The following TRPM3 variants were observed in gnomAD, a reference collection of about 807,000 sequenced individuals.
TRPM3 encodes the protein long transient receptor potential channel 3.
TRPM3 carries 77 observed loss-of-function variants against 181.2 expected under a neutral mutation model. The observed-to-expected ratio is 0.42, with a 90% confidence interval of 0.35 to 0.51. The LOEUF is 0.51. Ranked by LOEUF, TRPM3 falls within the 20% of genes least tolerant of loss-of-function variation. The pLI is 0.01. For missense variants in TRPM3, 1,759 were observed against 2,196.7 expected (o/e 0.80, Z 3.98); for synonymous variants, 745 against 796.4 (o/e 0.94, Z 1.09).
intron 1 of TRPM3, among the ~76,000 whole-genome samples, chr9:71,144,642 T>C (rs1304926359): frequency 6.6e-6 from 1 of 152,164 alleles, no homozygotes; most frequent in African/African-American, 2.4e-5. Flanking sequence ...CATTACTCTG[T>C]GTTATATATA....
chr9:70,562,431 G>GA (rs2049342076), intron 22 of TRPM3, among the ~76,000 whole-genome samples: 1 of 151,960 alleles, frequency 6.6e-6, no homozygotes, highest in Non-Finnish European at 1.5e-5. Context: ...CCTACCTGGG[G>GA]AAAAAAAGGG....
At chr9:70,578,329 C>G (rs1369516056) in intron 22 of TRPM3, among the ~76,000 whole-genome samples, 1 of 148,756 alleles carries the variant, frequency 6.7e-6, no homozygotes, top group African/African-American at 2.5e-5. Context: ...AGACTGGTGT[C>G]TCTCTTAGAT....
chr9:70,811,804 C>G (rs2092089340), intron 6 of TRPM3, among the ~76,000 whole-genome samples: 1 of 152,042 alleles, frequency 6.6e-6, no homozygotes, highest in South Asian at 2.1e-4. Context: ...AGTTTCTTTT[C>G]TTTTCTTTTT....
chr9:70,917,399 G>A (rs537982539), intron 1 of TRPM3: 2 of 872,868 alleles, frequency 2.3e-6, no homozygotes, highest in Admixed American at 1.7e-5. Context: ...AGAGCTCAGT[G>A]GGGACACCAC....
intron 1 of TRPM3, among the ~76,000 whole-genome samples, chr9:71,193,507 A>C (rs975664308): frequency 6.6e-6 from 1 of 151,544 alleles, no homozygotes; most frequent in African/African-American, 2.4e-5. Flanking sequence ...TAAAATATCT[A>C]TTTTCCCCTA....
At chr9:71,274,758 AT>A (rs2084065593) in intron 1 of TRPM3, among the ~76,000 whole-genome samples, 1 of 152,216 alleles carries the variant, frequency 6.6e-6, no homozygotes, top group Non-Finnish European at 1.5e-5. Flanking sequence ...ATGCCACTTT[AT>A]TTCTCCATAA....
chr9:70,686,664 C>T (rs1590351234), intron 8 of TRPM3, among the ~76,000 whole-genome samples: 1 of 115,282 alleles, frequency 8.7e-6, no homozygotes, highest in South Asian at 3.4e-4. Context: ...TCCTGCCTTC[C>T]TTCCTGGAAA....
chr9:70,668,694 A>G (rs2062309550), intron 9 of TRPM3, among the ~76,000 whole-genome samples: 1 of 150,928 alleles, frequency 6.6e-6, no homozygotes, highest in Non-Finnish European at 1.5e-5. Flanking sequence ...AAAAAAAAAA[A>G]AAAGAAACAT....
chr9:71,045,930 T>A (rs2059378171), intron 1 of TRPM3, among the ~76,000 whole-genome samples: 1 of 152,070 alleles, frequency 6.6e-6, no homozygotes, highest in Admixed American at 6.6e-5. Flanking sequence ...CTCCTAGACC[T>A]TTCCATTTGC....
chr9:71,025,930 T>C (rs922030270), intron 1 of TRPM3, among the ~76,000 whole-genome samples: 4 of 151,982 alleles, frequency 2.6e-5, no homozygotes, highest in African/African-American at 9.7e-5. Context: ...TGAAACTCAC[T>C]GCTGGTCCCC....
rs2063465929 is a variant in TRPM3 at position 71,076,383 on chromosome 9, C to T, written c.177+44795G>A. 2.0e-5 allele frequency among the ~76,000 whole-genome samples: 3 copies of T among 152,152 alleles called. No individual in the cohort carries two copies. In the South Asian group the frequency reaches 6.2e-4, roughly 32 times the overall value. On this transcript the variant is annotated intron_variant, in intron 1 of 25. Transcript: ENST00000677713. ...ATGTGCCACAGAATGAAACTGCCAT[C>T]CCTAGGAAGAGAAAAGCTTTCCTCT...
At chr9:70,690,618 T>G (rs2068242618) in intron 8 of TRPM3, among the ~76,000 whole-genome samples, 1 of 152,118 alleles carries the variant, frequency 6.6e-6, no homozygotes. Flanking sequence ...ATGCAGTGAC[T>G]TTTAAAAGCC....
chr9:71,423,666 A>C (rs1341346721), intron 1 of TRPM3, among the ~76,000 whole-genome samples: 1 of 152,146 alleles, frequency 6.6e-6, no homozygotes, highest in African/African-American at 2.4e-5. Context: ...ATGAAATTTA[A>C]GATGGATATA....
At chr9:70,697,357 A>C (rs1357591373) in intron 8 of TRPM3, among the ~76,000 whole-genome samples, 2 of 152,242 alleles carry the variant, frequency 1.3e-5, no homozygotes, top group Non-Finnish European at 2.9e-5. Flanking sequence ...CAATCAAAGA[A>C]AAAACATTTC....
At chr9:70,694,223 T>C (rs971088703) in intron 8 of TRPM3, among the ~76,000 whole-genome samples, 1 of 152,204 alleles carries the variant, frequency 6.6e-6, no homozygotes, top group Non-Finnish European at 1.5e-5. Context: ...GTATGGCAGA[T>C]GTCCTGTGTT....
chr9:71,418,770 C>T (rs2093676975), intron 1 of TRPM3, among the ~76,000 whole-genome samples: 1 of 144,078 alleles, frequency 6.9e-6, no homozygotes, highest in African/African-American at 2.5e-5. Flanking sequence ...TATATATATA[C>T]TATATATAGA....
chr9:70,752,061 C>T (rs1012360269), intron 8 of TRPM3, among the ~76,000 whole-genome samples: 41 of 129,150 alleles, frequency 3.2e-4, no homozygotes, highest in South Asian at 9.4e-4. Context: ...CGCGCGCGCG[C>T]GCATACACAT....
chr9:70,783,955 G>C (rs1301815698), intron 7 of TRPM3, 150 bp downstream of exon 7: 1 of 1,420,494 alleles, frequency 7.0e-7, no homozygotes, highest in Non-Finnish European at 9.2e-7. Flanking sequence ...CTTCACCACA[G>C]CCCTCCCATG....
chr9:71,251,156 T>TC (rs1410783876), intron 1 of TRPM3, among the ~76,000 whole-genome samples: 1 of 152,190 alleles, frequency 6.6e-6, no homozygotes, highest in Non-Finnish European at 1.5e-5. Flanking sequence ...TGAAGCCATA[T>TC]CCCAAGACTT....
Sources: gnomAD v4.1 joint callset for allele counts (sites outside exome capture counted in the v4.1 genomes callset) on GRCh38, gnomAD v4.1.1 for gene constraint, MANE v1.5 for transcripts, NCBI Gene and HGNC (gene_info 2026-07-23, HGNC 2026-07-21) for gene names.